The following SGCD variants were observed in gnomAD, a reference collection of about 807,000 sequenced individuals.
SGCD encodes delta-sarcoglycan.
In SGCD, 18 loss-of-function variants were observed where a neutral mutation model predicts 36.6. The observed-to-expected ratio is 0.49, with a 90% CI of 0.34 to 0.73. The LOEUF (loss-of-function observed/expected upper bound fraction) is 0.73, where lower values mean the gene tolerates loss of function less well. Ranked by LOEUF, SGCD falls within the 30% of genes least tolerant of loss-of-function variation. SGCD has a pLI of 0.01. For missense variants in SGCD, 387 were observed against 346.7 expected (o/e 1.12, Z -0.92); for synonymous variants, 133 against 130.6 (o/e 1.02, Z -0.12).
At position 156,458,554 on chromosome 5, in the gene SGCD, C is replaced by T. The variant is rs11952317; in HGVS notation, c.193-50047C>T. ...ACACCAGTGATTCTTTCCCTCAAAC[C>T]GCATATGTCAAAATTCAGCACCTTG... On this transcript the variant is annotated intron_variant, in intron 3 of 8. Coordinates refer to ENST00000337851, the MANE Select transcript of SGCD (RefSeq NM_000337.6). 2.7e-3 allele frequency: 3,360 copies of T among 1,222,710 alleles called. 79 individuals carry two copies. The African/African-American group carries it at 0.044, about 16-fold the overall frequency. 75.7% of individuals were successfully genotyped at this position (1,222,710 alleles called of 1,614,324 possible). A position where few individuals can be genotyped will look rare whatever the true frequency, so the allele number is the denominator to read the frequency against.
At chr5:155,999,218 A>G (rs1057041860) in intron 1 of SGCD, among the ~76,000 whole-genome samples, 2 of 152,204 alleles carry the variant, frequency 1.3e-5, no homozygotes, top group East Asian at 1.9e-4. Context: ...TTACAGATGA[A>G]GATTCTGATA....
At chr5:156,174,155 A>T (rs1340977431) in intron 3 of SGCD, among the ~76,000 whole-genome samples, 1 of 151,530 alleles carries the variant, frequency 6.6e-6, no homozygotes, top group Non-Finnish European at 1.5e-5. Context: ...AATGAATCTG[A>T]GGGGTGGAAC....
At chr5:156,686,224 A>G (rs938030714) in intron 7 of SGCD, among the ~76,000 whole-genome samples, 9 of 152,146 alleles carry the variant, frequency 5.9e-5, no homozygotes, top group African/African-American at 2.2e-4. Flanking sequence ...TATAGAATTT[A>G]TTAATCCAAG....
At chr5:156,068,810 C>G (rs1214768196) in intron 1 of SGCD, among the ~76,000 whole-genome samples, 1 of 151,776 alleles carries the variant, frequency 6.6e-6, no homozygotes, top group Non-Finnish European at 1.5e-5. Context: ...TTAATGATTG[C>G]CATTCTAACT....
At chr5:156,448,731 CTTTTTT>C (rs1158844774) in intron 3 of SGCD, among the ~76,000 whole-genome samples, 9 of 76,052 alleles carry the variant, frequency 1.2e-4, no homozygotes, top group Non-Finnish European at 1.9e-4. Flanking sequence ...TTTTCTTTTT[CTTTTTT>C]TTTTTTTTTT....
intron 3 of SGCD, among the ~76,000 whole-genome samples, chr5:156,306,566 T>G (rs1301351641): frequency 6.6e-6 from 1 of 152,234 alleles, no homozygotes; most frequent in East Asian, 1.9e-4. Flanking sequence ...CACTGTATTC[T>G]GTCTCCCCCA....
chr5:156,046,090 C>T (rs1037956463), intron 1 of SGCD, among the ~76,000 whole-genome samples: 3 of 152,084 alleles, frequency 2.0e-5, no homozygotes, highest in African/African-American at 7.2e-5. Context: ...TCAGTGTAGA[C>T]AGTAATCCTT....
the SGCD span, among the ~76,000 whole-genome samples, chr5:155,804,046 A>C: frequency 1.3e-5 from 2 of 152,218 alleles, no homozygotes; most frequent in Non-Finnish European, 2.9e-5. Context: ...TCTTTGGCGG[A>C]GATACTATGG....
intron 3 of SGCD, among the ~76,000 whole-genome samples, chr5:156,314,299 C>A (rs1420527224): frequency 6.6e-6 from 1 of 151,828 alleles, no homozygotes; most frequent in Non-Finnish European, 1.5e-5. Context: ...AAGACTAAAC[C>A]TGATAATAAA....
At chr5:156,000,308 G>A (rs1758637921) in intron 1 of SGCD, among the ~76,000 whole-genome samples, 1 of 152,166 alleles carries the variant, frequency 6.6e-6, no homozygotes, top group Non-Finnish European at 1.5e-5. Context: ...TGCAAAAGAG[G>A]CTTGGGCTTG....
the SGCD span, among the ~76,000 whole-genome samples, chr5:155,806,006 T>C: frequency 1.3e-5 from 2 of 152,204 alleles, no homozygotes; most frequent in African/African-American, 4.8e-5. Flanking sequence ...GAGGTCAGCA[T>C]ACCTAGCCAG....
At chr5:156,411,125 G>A (rs960680407) in intron 3 of SGCD, among the ~76,000 whole-genome samples, 1 of 152,178 alleles carries the variant, frequency 6.6e-6, no homozygotes, top group Admixed American at 6.5e-5. Flanking sequence ...GTGTTGAGCA[G>A]TTACACAGTA....
At chr5:156,638,291 A>G (rs948893300) in intron 6 of SGCD, among the ~76,000 whole-genome samples, 9 of 151,980 alleles carry the variant, frequency 5.9e-5, no homozygotes, top group Non-Finnish European at 1.0e-4. Flanking sequence ...GGCAGAATCA[A>G]TGTTCTTTTT....
chr5:156,668,968 C>A (rs111309403), intron 7 of SGCD, among the ~76,000 whole-genome samples: 2 of 151,906 alleles, frequency 1.3e-5, no homozygotes, highest in Admixed American at 1.3e-4. Context: ...GTGGCTGGAG[C>A]GGAAAAAAGG....
intron 7 of SGCD, among the ~76,000 whole-genome samples, chr5:156,744,180 GTTTTAT>G (rs1756831575): frequency 6.6e-6 from 1 of 152,146 alleles, no homozygotes; most frequent in African/African-American, 2.4e-5. Flanking sequence ...TGTTATCCCT[GTTTTAT>G]TTTTATTTTT....
intron 1 of SGCD, among the ~76,000 whole-genome samples, chr5:156,048,981 C>T (rs1759847100): frequency 6.7e-6 from 1 of 148,244 alleles, no homozygotes; most frequent in Non-Finnish European, 1.5e-5. Flanking sequence ...GTCTTTAATC[C>T]ATCTTGAATT....
intron 1 of SGCD, among the ~76,000 whole-genome samples, chr5:156,084,560 C>G (rs1157321153): frequency 6.7e-6 from 1 of 149,850 alleles, no homozygotes; most frequent in Admixed American, 6.7e-5. Context: ...AATCTGTGAA[C>G]TTGATGAACT....
At chr5:156,325,568 C>T (rs1767784875), upstream of SGCD, among the ~76,000 whole-genome samples, 3 of 152,250 alleles carry the variant, frequency 2.0e-5, no homozygotes, top group South Asian at 6.2e-4. Context: ...CCCAGGCTAT[C>T]TGATTAGAAG....
intron 3 of SGCD, among the ~76,000 whole-genome samples, chr5:156,239,142 G>A (rs1191120003): frequency 6.6e-6 from 1 of 152,102 alleles, no homozygotes; most frequent in African/African-American, 2.4e-5. Flanking sequence ...GCTCATGCCT[G>A]TAATCCCAGC....
Sources: gnomAD v4.1 joint callset for allele counts (sites outside exome capture counted in the v4.1 genomes callset) on GRCh38, gnomAD v4.1.1 for gene constraint, MANE v1.5 for transcripts, NCBI Gene and HGNC (gene_info 2026-07-23, HGNC 2026-07-21) for gene names.